The following PMS1 variants were observed in gnomAD, a reference collection of about 807,000 sequenced individuals.
The protein encoded by PMS1 is PMS1 protein homolog 1.
PMS1 carries 79 observed loss-of-function variants against 93.1 expected under a neutral mutation model. The observed-to-expected ratio is 0.85, with a 90% CI of 0.71 to 1.02. The LOEUF (loss-of-function observed/expected upper bound fraction) is 1.02. Among genes scored for constraint, PMS1 ranks in the 50% least tolerant of loss-of-function variants. The pLI is 0.00. For missense variants in PMS1, 1,064 were observed against 1,085.3 expected (o/e 0.98, Z 0.28); for synonymous variants, 335 against 363.4 (o/e 0.92, Z 0.89).
rs146853891 is a variant in PMS1, at chr2:189,826,772, G to T, written c.582+8592G>T. ...CCTATTTGACAGCCTTTTATAGGAG[G>T]GAGGGCTGCATCTAGTTCATCTATA... On this transcript the variant is annotated intron_variant, in intron 5 of 12. Coordinates refer to ENST00000441310, the MANE Select transcript of PMS1 (RefSeq NM_000534.5). Among the ~76,000 whole-genome samples the T allele has an allele frequency of 1.2e-4, 19 of 152,212 alleles. 1 individual carries two copies. In the East Asian group the frequency reaches 3.7e-3, roughly 29 times the overall value.
At chr2:189,864,723 T>A (rs1348307595) in intron 10 of PMS1, among the ~76,000 whole-genome samples, 5 of 90,426 alleles carry the variant, frequency 5.5e-5, no homozygotes, top group Non-Finnish European at 6.3e-5. Context: ...TATATATATA[T>A]ATATATATAT....
At chr2:189,786,912 G>A (rs1251095730) in intron 1 of PMS1, among the ~76,000 whole-genome samples, 3 of 152,212 alleles carry the variant, frequency 2.0e-5, no homozygotes, top group Admixed American at 2.0e-4. Flanking sequence ...AATTAGCCAG[G>A]TGTGGTGGCG....
At chr2:189,802,214 C>G (rs1415721189) in intron 3 of PMS1, among the ~76,000 whole-genome samples, 2 of 152,188 alleles carry the variant, frequency 1.3e-5, no homozygotes, top group African/African-American at 4.8e-5. Flanking sequence ...CACCACTTCG[C>G]TATGCAGTCA....
At chr2:189,807,651 C>T (rs1040035749) in intron 4 of PMS1, among the ~76,000 whole-genome samples, 5 of 152,222 alleles carry the variant, frequency 3.3e-5, no homozygotes, top group African/African-American at 4.8e-5. Context: ...TATGAAATAA[C>T]AATCCTTAGA....
intron 5 of PMS1, among the ~76,000 whole-genome samples, chr2:189,821,582 G>T (rs968785994): frequency 1.3e-5 from 2 of 152,200 alleles, no homozygotes; most frequent in Admixed American, 6.5e-5. Context: ...GCCGAGGTGG[G>T]TGGATCACCT....
chr2:189,827,914 TTTTGTTTGTTTG>T (rs57432899), intron 5 of PMS1, among the ~76,000 whole-genome samples: 6 of 150,030 alleles, frequency 4.0e-5, no homozygotes, highest in Non-Finnish European at 8.9e-5. Flanking sequence ...AAAAATAAGG[TTTTGTTTGTTTG>T]TTTGTTTGTT....
intron 5 of PMS1, among the ~76,000 whole-genome samples, chr2:189,833,410 C>T (rs1401172231): frequency 1.3e-5 from 2 of 152,000 alleles, no homozygotes; most frequent in South Asian, 2.1e-4. Flanking sequence ...GGTGAAACCC[C>T]GTCTCTACTA....
At chr2:189,813,637 T>G (rs59048296) in intron 4 of PMS1, among the ~76,000 whole-genome samples, 1 of 152,164 alleles carries the variant, frequency 6.6e-6, no homozygotes. Flanking sequence ...TTATGAGAGT[T>G]AAAAAGGGAA....
In PMS1 at chr2:189,867,815, C is replaced by A; in HGVS notation, c.2359C>A (p.His787Asn). ...MLTESLFNGS[H>N]YLDVLYKMTA... is the part of the protein sequence containing the mutation. ...CTTTTTCAGTCTTTTTAATGGATCT[C>A]ATTATTTAGACGTTTTATATAAAAT... The change falls in exon 11 of 13, where the codon CAT (histidine) becomes AAT (asparagine). Residue 787 changes from histidine (H) to asparagine (N), a missense_variant. His to Asn is a moderately conservative substitution (Grantham distance 68). Transcript: ENST00000441310. 2 of 1,574,668 alleles carry A rather than the reference C, an allele frequency of 1.3e-6. No homozygotes were observed. The highest frequency in any genetic ancestry group is 2.2e-5 in the South Asian group (2 of 90,260).
intron 9 of PMS1, among the ~76,000 whole-genome samples, chr2:189,862,839 A>G (rs758607323): frequency 6.6e-6 from 1 of 152,206 alleles, no homozygotes; most frequent in Non-Finnish European, 1.5e-5. Flanking sequence ...TCAGATTCCA[A>G]ACTTTGTTTC....
intron 5 of PMS1, among the ~76,000 whole-genome samples, chr2:189,820,843 G>C (rs553979658): frequency 6.6e-6 from 1 of 152,192 alleles, no homozygotes; most frequent in South Asian, 2.1e-4. Context: ...TTAAAGCTAT[G>C]GTAGAATGTT....
At chr2:189,816,094 A>G (rs1233680455) in intron 4 of PMS1, among the ~76,000 whole-genome samples, 5 of 152,104 alleles carry the variant, frequency 3.3e-5, no homozygotes, top group Admixed American at 1.3e-4. Flanking sequence ...ACAGGGTCTC[A>G]CTGTGTTGCC....
chr2:189,785,922 C>G (rs904650334), intron 1 of PMS1, among the ~76,000 whole-genome samples: 3 of 151,858 alleles, frequency 2.0e-5, no homozygotes, highest in Non-Finnish European at 4.4e-5. Flanking sequence ...GTCAGGAGTT[C>G]GAGACCAGCC....
At chr2:189,862,785 A>G (rs567059905) in intron 9 of PMS1, among the ~76,000 whole-genome samples, 1 of 152,304 alleles carries the variant, frequency 6.6e-6, no homozygotes, top group Non-Finnish European at 1.5e-5. Flanking sequence ...TTCCAGTTTT[A>G]ACTGAAAGCC....
intron 6 of PMS1, among the ~76,000 whole-genome samples, chr2:189,852,165 G>GT (rs545662614): frequency 0.028 from 4,051 of 147,242 alleles, 86 homozygotes; most frequent in Non-Finnish European, 0.039. Context: ...GAGTAAAAGA[G>GT]TTTTTTTTTT....
chr2:189,801,663 G>C (rs1482920702), intron 3 of PMS1, among the ~76,000 whole-genome samples: 1 of 151,974 alleles, frequency 6.6e-6, no homozygotes, highest in African/African-American at 2.4e-5. Context: ...GGAGTCAGAA[G>C]CCTAATTCTA....
At chr2:189,813,443 T>G (rs1362757922) in intron 4 of PMS1, among the ~76,000 whole-genome samples, 1 of 152,342 alleles carries the variant, frequency 6.6e-6, no homozygotes, top group East Asian at 1.9e-4. Context: ...ATGCACATTT[T>G]GTCACACTTG....
At chr2:189,864,564 G>A (rs1172406893) in intron 10 of PMS1, among the ~76,000 whole-genome samples, 2 of 143,722 alleles carry the variant, frequency 1.4e-5, no homozygotes, top group Non-Finnish European at 3.0e-5. Context: ...GCTGAGGCAG[G>A]AGAATCGCTT....
chr2:189,833,576 C>T (rs1355812409), intron 5 of PMS1, among the ~76,000 whole-genome samples: 1 of 151,754 alleles, frequency 6.6e-6, no homozygotes, highest in East Asian at 1.9e-4. Flanking sequence ...GTGAGACTGT[C>T]TCAAAAACAA....
Sources: gnomAD v4.1 joint callset for allele counts (sites outside exome capture counted in the v4.1 genomes callset) on GRCh38, gnomAD v4.1.1 for gene constraint, MANE v1.5 for transcripts, NCBI Gene and HGNC (gene_info 2026-07-23, HGNC 2026-07-21) for gene names.